The following BLTP3B variants were observed in gnomAD, a reference collection of about 807,000 sequenced individuals.
The protein encoded by BLTP3B is UHRF1 (ICBP90) binding protein 1-like.
chr12:100,141,008 G>A, the BLTP3B span, among the ~76,000 whole-genome samples: 10 of 151,920 alleles, frequency 6.6e-5, no homozygotes, highest in African/African-American at 1.9e-4. Context: ...ATCCTTGGAC[G>A]AGTGAGAAAG....
the BLTP3B span, among the ~76,000 whole-genome samples, chr12:100,074,594 A>C: frequency 2.2e-5 from 3 of 137,052 alleles, no homozygotes; most frequent in South Asian, 4.5e-4. Flanking sequence ...ACTCTGTTTC[A>C]AAAAAAAAAA....
chr12:100,101,213 T>C, the BLTP3B span, among the ~76,000 whole-genome samples: 1 of 152,190 alleles, frequency 6.6e-6, no homozygotes, highest in Admixed American at 6.5e-5. Flanking sequence ...GTCACTAATA[T>C]CTGTAGTCCA....
chr12:100,073,684 G>A, the BLTP3B span, among the ~76,000 whole-genome samples: 4 of 151,728 alleles, frequency 2.6e-5, no homozygotes, highest in Non-Finnish European at 4.4e-5. Flanking sequence ...TAGTTTGATC[G>A]CTCGAATTCA....
chr12:100,086,900 C>A, the BLTP3B span, among the ~76,000 whole-genome samples: 1 of 152,170 alleles, frequency 6.6e-6, no homozygotes, highest in African/African-American at 2.4e-5. Flanking sequence ...GTGGCTCACG[C>A]CTGTCATCCC....
At chr12:100,136,335 A>AT in the BLTP3B span, among the ~76,000 whole-genome samples, 5 of 151,452 alleles carry the variant, frequency 3.3e-5, no homozygotes, top group African/African-American at 1.2e-4. Context: ...AATTTTTTTT[A>AT]TTTTTTTCTT....
the BLTP3B span, chr12:100,039,885 T>A: frequency 9.0e-7 from 1 of 1,105,732 alleles, no homozygotes; most frequent in Non-Finnish European, 1.2e-6. Context: ...ACTAAATATC[T>A]ATATATATTA....
the BLTP3B span, among the ~76,000 whole-genome samples, chr12:100,063,537 T>C: frequency 6.6e-6 from 1 of 151,834 alleles, no homozygotes; most frequent in Non-Finnish European, 1.5e-5. Context: ...AGAAACCCTG[T>C]CTCTACTAAA....
the BLTP3B span, chr12:100,037,511 A>C: frequency 6.5e-7 from 1 of 1,533,170 alleles, no homozygotes; most frequent in Non-Finnish European, 8.7e-7. Flanking sequence ...CCACTTCATC[A>C]CATTCCATTT....
At chr12:100,100,028 G>A in the BLTP3B span, among the ~76,000 whole-genome samples, 1 of 151,592 alleles carries the variant, frequency 6.6e-6, no homozygotes, top group Non-Finnish European at 1.5e-5. Flanking sequence ...CAGGCATGGT[G>A]ACAGTGGCTG....
chr12:100,137,761 C>T, the BLTP3B span, among the ~76,000 whole-genome samples: 1 of 152,162 alleles, frequency 6.6e-6, no homozygotes, highest in Admixed American at 6.6e-5. Context: ...CACTCCTCAC[C>T]CCCAGGATAA....
chr12:100,059,992 T>C, the BLTP3B span: 1 of 1,612,738 alleles, frequency 6.2e-7, no homozygotes. Context: ...GCTTCTTTCA[T>C]CCACAGTAAA....
the BLTP3B span, among the ~76,000 whole-genome samples, chr12:100,088,213 C>A: frequency 6.6e-6 from 1 of 152,130 alleles, no homozygotes; most frequent in African/African-American, 2.4e-5. Flanking sequence ...GGTCTTCAGC[C>A]TGATTCTAAT....
At chr12:100,117,779 G>C in the BLTP3B span, among the ~76,000 whole-genome samples, 1 of 152,146 alleles carries the variant, frequency 6.6e-6, no homozygotes, top group Non-Finnish European at 1.5e-5. Context: ...GGGATTACAG[G>C]CATGAGCCAC....
the BLTP3B span, among the ~76,000 whole-genome samples, chr12:100,120,399 A>G: frequency 4.6e-5 from 7 of 152,076 alleles, no homozygotes; most frequent in East Asian, 7.7e-4. Flanking sequence ...AAAATAAAAA[A>G]TAAAATAGGC....
chr12:100,077,584 G>GT, the BLTP3B span, among the ~76,000 whole-genome samples: 1 of 152,202 alleles, frequency 6.6e-6, no homozygotes, highest in Non-Finnish European at 1.5e-5. Context: ...CTGTCCAGTT[G>GT]TGACAACCAA....
the BLTP3B span, among the ~76,000 whole-genome samples, chr12:100,112,239 G>A: frequency 1.7e-4 from 26 of 152,300 alleles, no homozygotes; most frequent in East Asian, 4.4e-3. Flanking sequence ...AGCAGTTTGA[G>A]AGGCCAAGGC....
chr12:100,058,841 A>T, the BLTP3B span: 1 of 1,613,978 alleles, frequency 6.2e-7, no homozygotes, highest in Non-Finnish European at 8.5e-7. Flanking sequence ...TGACATGTTT[A>T]TGAACATGAA....
At chr12:100,058,247 G>A in the BLTP3B span, 2 of 1,612,910 alleles carry the variant, frequency 1.2e-6, no homozygotes, top group East Asian at 2.2e-5. Context: ...TGTAGTTTAA[G>A]ATACTACTTG....
the BLTP3B span, chr12:100,059,083 T>A: frequency 6.2e-7 from 1 of 1,614,100 alleles, no homozygotes; most frequent in South Asian, 1.1e-5. Flanking sequence ...GCATATCTTG[T>A]TGGTTGACAA....
Sources: gnomAD v4.1 joint callset for allele counts (sites outside exome capture counted in the v4.1 genomes callset) on GRCh38, gnomAD v4.1.1 for gene constraint, MANE v1.5 for transcripts, NCBI Gene and HGNC (gene_info 2026-07-23, HGNC 2026-07-21) for gene names.